CCT4: variants seen among roughly 807,000 people sequenced by gnomAD.
The protein encoded by CCT4 is T-complex protein 1 subunit delta.
CCT4 carries 17 observed loss-of-function variants against 62.5 expected under a neutral mutation model. The ratio of observed to expected loss-of-function variants is 0.27; its 90% CI spans 0.19 to 0.41. The LOEUF (loss-of-function observed/expected upper bound fraction) is 0.41. CCT4 is among the 10% of genes least tolerant of loss of function. The pLI is 1.00. For synonymous variants in CCT4, 250 were observed against 229.9 expected, an observed-to-expected ratio of 1.09 and a Z score of -0.79; for missense variants, 592 against 659.2, an observed-to-expected ratio of 0.90 and a Z score of 1.12.
rs762833143 is a variant in CCT4 at position 61,873,059 on chromosome 2, C to T, written c.1068G>A (p.Leu356=). The T allele has an allele frequency of 2.1e-5, 34 of 1,613,512 alleles. No individual in the cohort carries two copies. The highest frequency in any genetic ancestry group is 2.4e-5 in the Non-Finnish European group (28 of 1,179,522). ...CCTCCTCAGCTAACTCAGCAGAACC[C>T]AGCATGTCAGCAGTAAATTGGTCAA... The part of the protein sequence containing the change: ...AHIDQFTADM[L]GSAELAEEVN... The change falls in exon 10 of 14, where the codon CTG becomes CTA. Residue 356 remains leucine, a synonymous_variant. Transcript: ENST00000394440.
chr2:61,876,320 T>C (rs1440312291), intron 7 of CCT4, 86 bp from the exon 8 acceptor site: 4 of 1,010,706 alleles, frequency 4.0e-6, no homozygotes, highest in Admixed American at 2.5e-5. Flanking sequence ...CTATGTGTTG[T>C]ATAAATTCAA....
rs148291705 is a variant in CCT4, at chr2:61,875,879, C to G, written c.917+216G>C. On this transcript the variant is annotated intron_variant, in intron 8 of 13. Transcript: ENST00000394440. ...TAACTGAACTTATACCATTTTTTCC[C>G]TTGGTCTGAGCAAATGATGGTACAA... Among the ~76,000 whole-genome samples the G allele has an allele frequency of 2.1e-3, 316 of 151,998 alleles. 1 individual carries two copies. Among genetic ancestry groups the G allele is most frequent in the Middle Eastern group, 0.017 (5 of 292 alleles).
chr2:61,871,530 G>A (rs1668883336), intron 12 of CCT4, among the ~76,000 whole-genome samples: 1 of 152,148 alleles, frequency 6.6e-6, no homozygotes, highest in African/African-American at 2.4e-5. Context: ...TAAACAGATA[G>A]TTCCATCATT....
chr2:61,879,239 T>A (rs566200059), intron 4 of CCT4, among the ~76,000 whole-genome samples: 61 of 145,818 alleles, frequency 4.2e-4, no homozygotes, highest in African/African-American at 1.5e-3. Context: ...TGGTCTTGAC[T>A]AAAACCAAAT....
rs1234624703 is a variant in CCT4, at chr2:61,873,012, T to A, written c.1115A>T (p.Lys372Ile). 1 of 1,592,088 alleles carries A rather than the reference T, an allele frequency of 6.3e-7. No homozygotes were observed. Among genetic ancestry groups the A allele is most frequent in the Non-Finnish European group, 8.6e-7 (1 of 1,159,974 alleles). Residue 372 changes from lysine (K) to isoleucine (I), a missense_variant, in exon 10 of 14, where the codon AAA (lysine) becomes ATA (isoleucine). This residue lies in a region of CCT4 where 522 missense variants were observed against 571.2 expected (regional missense o/e 0.91). Transcript: ENST00000394440. ...AEEVNLNGSG[K>I]LLKITGCASP... ...GTGTAATACTGTTACCTTGAGCAGT[T>A]TGCCAGAACCATTTAAATTGACCTC... is the stretch of plus-strand genomic sequence containing the variant.
intron 12 of CCT4, among the ~76,000 whole-genome samples, chr2:61,870,357 G>A (rs1197006454): frequency 6.6e-6 from 1 of 152,274 alleles, no homozygotes; most frequent in African/African-American, 2.4e-5. Flanking sequence ...ATCAACCCCA[G>A]TCTACTCTAC....
In CCT4 at chr2:61,883,435, A is replaced by T. The variant is rs767531060; in HGVS notation, c.270+24T>A. On this transcript the variant is annotated intron_variant, in intron 3 of 13. Transcript: ENST00000394440. ...CTGTCTCAAAAAAAAAAAAAAAAAA[A>T]GACTCACCTAAAATTACACTTACCA... is the stretch of plus-strand genomic sequence containing the variant. The T allele has an allele frequency of 1.8e-4, 201 of 1,116,782 alleles. 2 individuals carry two copies. The highest frequency in any genetic ancestry group is 3.3e-4 in the Admixed American group (14 of 42,700). 69.2% of individuals were successfully genotyped at this position (1,116,782 alleles called of 1,614,324 possible).
At position 61,883,564 on chromosome 2, in the gene CCT4, T is replaced by TA; in HGVS notation, c.181-17dup. On this transcript the variant is annotated splice_polypyrimidine_tract_variant and intron_variant, in intron 2 of 13. Transcript: ENST00000394440. ...CATCTTGAATCTAGAAAAAAAATTT[T>TA]AAAGTTATATTTCAATGTCACACCT... The TA allele has an allele frequency of 7.6e-7, 1 of 1,310,062 alleles. No individual in the cohort carries two copies. The highest frequency in any genetic ancestry group is 1.1e-6 in the Non-Finnish European group (1 of 924,818). 81.2% of individuals were successfully genotyped at this position (1,310,062 alleles called of 1,614,324 possible). A position where few individuals can be genotyped will look rare whatever the true frequency, so the allele number is the denominator to read the frequency against.
At chr2:61,882,661 A>G (rs923073891) in intron 3 of CCT4, among the ~76,000 whole-genome samples, 1 of 152,006 alleles carries the variant, frequency 6.6e-6, no homozygotes, top group African/African-American at 2.4e-5. Context: ...GGTGCGCACC[A>G]CACACCCAAC....
chr2:61,884,298 C>A (rs1430101674), intron 2 of CCT4, among the ~76,000 whole-genome samples: 5 of 152,112 alleles, frequency 3.3e-5, no homozygotes, highest in Admixed American at 2.6e-4. Flanking sequence ...AGGTACCCAA[C>A]ACTTTTTACT....
At chr2:61,876,646 A>C (rs1669007575) in intron 7 of CCT4, among the ~76,000 whole-genome samples, 1 of 152,130 alleles carries the variant, frequency 6.6e-6, no homozygotes, top group Non-Finnish European at 1.5e-5. Flanking sequence ...GCAACCTCAA[A>C]CTCCTAGGTT....
At chr2:61,879,532 C>T (rs1669069148) in intron 4 of CCT4, among the ~76,000 whole-genome samples, 1 of 150,804 alleles carries the variant, frequency 6.6e-6, no homozygotes. Flanking sequence ...CCAGCCTCAG[C>T]CTCCCAAAGT....
chr2:61,881,188 A>C (rs1041155288), intron 3 of CCT4, among the ~76,000 whole-genome samples: 49 of 146,782 alleles, frequency 3.3e-4, no homozygotes, highest in African/African-American at 1.2e-3. Flanking sequence ...GTAGCAGTGA[A>C]GTTTTGTTTT....
Position 61,873,051 on chromosome 2 carries a change from G to C in CCT4, c.1076C>G (p.Ala359Gly). The C allele has an allele frequency of 6.2e-7, 1 of 1,613,322 alleles. No homozygotes were observed. The highest frequency in any genetic ancestry group is 8.5e-7 in the Non-Finnish European group (1 of 1,179,242). ...DQFTADMLGS[A>G]ELAEEVNLNG... Reference sequence around the variant, plus strand: ...TAAATTGACCTCCTCAGCTAACTCAGCAGAACCCAGCATGTCAGCAGTAAA... The same window carrying C: ...TAAATTGACCTCCTCAGCTAACTCACCAGAACCCAGCATGTCAGCAGTAAA... Residue 359 changes from alanine (A) to glycine (G), a missense_variant, in exon 10 of 14, where the codon GCT becomes GGT. By Grantham distance (60) the Ala-to-Gly change is moderately conservative. This residue lies in a region of CCT4 where 522 missense variants were observed against 571.2 expected (regional missense o/e 0.91). Coordinates refer to ENST00000394440, the MANE Select transcript of CCT4 (RefSeq NM_006430.4).
At chr2:61,880,462 T>C in intron 3 of CCT4, 68 bp from the exon 4 acceptor site, 1 of 801,260 alleles carries the variant, frequency 1.2e-6, no homozygotes, top group Non-Finnish European at 2.1e-6. Context: ...CTAATTCAAA[T>C]AATCGCACCA....
intron 3 of CCT4, among the ~76,000 whole-genome samples, chr2:61,882,751 T>TGAG (rs1558507822): frequency 6.6e-6 from 1 of 151,818 alleles, no homozygotes; most frequent in African/African-American, 2.4e-5. Context: ...GCTCAAGCAA[T>TGAG]CCTCCCACCT....
At chr2:61,885,111 C>CGT in intron 1 of CCT4, 39 bp from the exon 2 acceptor site, 1 of 1,224,892 alleles carries the variant, frequency 8.2e-7, no homozygotes, top group Non-Finnish European at 1.1e-6. Context: ...CAAATTAGAA[C>CGT]TTTTTTTTTT....
chr2:61,877,090 G>A, intron 6 of CCT4, 38 bp from the exon 7 acceptor site: 2 of 1,580,920 alleles, frequency 1.3e-6, no homozygotes, highest in East Asian at 2.2e-5. Flanking sequence ...TAGTTAAGAG[G>A]GAGTGGACAT....
chr2:61,879,877 C>A (rs999418758), intron 4 of CCT4, among the ~76,000 whole-genome samples: 7 of 151,880 alleles, frequency 4.6e-5, no homozygotes, highest in Non-Finnish European at 1.0e-4. Context: ...ATTACAGGCA[C>A]GCGCCACCAT....
Sources: gnomAD v4.1 joint callset for allele counts (sites outside exome capture counted in the v4.1 genomes callset) on GRCh38, gnomAD v4.1.1 for gene constraint, gnomAD v4.1.1 regional missense constraint, MANE v1.5 for transcripts, NCBI Gene and HGNC (gene_info 2026-07-23, HGNC 2026-07-21) for gene names.